The following STMN2 variants were observed in gnomAD, a reference collection of about 807,000 sequenced individuals.
STMN2 encodes the protein stathmin-2.
Under a neutral mutation model 24.1 loss-of-function variants are expected in STMN2, and 2 were observed. That is an observed-to-expected ratio of 0.08 (90% CI 0.03 to 0.26). The LOEUF (loss-of-function observed/expected upper bound fraction) is 0.26. STMN2 is among the 10% of genes least tolerant of loss of function. STMN2 has a pLI of 1.00. For missense variants in STMN2, 114 were observed against 213.6 expected, an observed-to-expected ratio of 0.53 and a Z score of 2.91; for synonymous variants, 83 against 77.5, an observed-to-expected ratio of 1.07 and a Z score of -0.37.
At chr8:79,626,233 A>G (rs1463255625) in intron 1 of STMN2, among the ~76,000 whole-genome samples, 1 of 152,176 alleles carries the variant, frequency 6.6e-6, no homozygotes, top group African/African-American at 2.4e-5. Flanking sequence ...ACATTCACTC[A>G]CTAGTATTGG....
At chr8:79,640,319 G>A (rs987702216) in intron 2 of STMN2, among the ~76,000 whole-genome samples, 3 of 152,266 alleles carry the variant, frequency 2.0e-5, no homozygotes, top group Admixed American at 6.5e-5. Context: ...GCTTCCGTGA[G>A]TTCAACTTTA....
intron 1 of STMN2, among the ~76,000 whole-genome samples, chr8:79,631,695 A>C (rs550673804): frequency 4.3e-4 from 65 of 152,334 alleles, no homozygotes; most frequent in Non-Finnish European, 7.2e-4. Context: ...GTCTTTGAAG[A>C]AGATCACAGG....
At chr8:79,628,371 G>C (rs1195647073) in intron 1 of STMN2, among the ~76,000 whole-genome samples, 2 of 151,690 alleles carry the variant, frequency 1.3e-5, no homozygotes. Flanking sequence ...ACCATGTCTC[G>C]AACTCCTGTC....
Position 79,664,946 on chromosome 8 carries a change from T to A in STMN2, c.*72T>A, listed in dbSNP as rs1356532017. The A allele has an allele frequency of 3.0e-5, 42 of 1,382,970 alleles. No individual in the cohort carries two copies. Among genetic ancestry groups the A allele is most frequent in the Non-Finnish European group, 4.1e-5 (41 of 1,007,998 alleles). The allele number at this position is 1,382,970 out of a possible 1,614,324, so 85.7% of individuals were successfully genotyped here. A position where few individuals can be genotyped will look rare whatever the true frequency, so the allele number is the denominator to read the frequency against. On this transcript the variant is annotated 3_prime_UTR_variant, in exon 5 of 5. Transcript: ENST00000220876. ...CTATATTATAATGGATCATGCGATA[T>A]CAGGATGGGGAATGTATGACATGGT...
chr8:79,625,789 C>G (rs1042681768), intron 1 of STMN2, among the ~76,000 whole-genome samples: 2 of 151,952 alleles, frequency 1.3e-5, no homozygotes, highest in Admixed American at 6.6e-5. Context: ...GAAACCCTGT[C>G]TCTACTAAAA....
chr8:79,661,366 T>C (rs1484516855), intron 4 of STMN2, among the ~76,000 whole-genome samples: 1 of 152,184 alleles, frequency 6.6e-6, no homozygotes, highest in African/African-American at 2.4e-5. Context: ...TGGTTTTAAT[T>C]TGCATTTCCC....
intron 3 of STMN2, among the ~76,000 whole-genome samples, chr8:79,653,126 C>T (rs1294020206): frequency 2.6e-5 from 4 of 152,008 alleles, no homozygotes; most frequent in African/African-American, 7.3e-5. Flanking sequence ...ACCTATAATC[C>T]CAGTACTTTG....
At chr8:79,648,805 AGAAGAAAAG>A (rs1810273645) in intron 3 of STMN2, among the ~76,000 whole-genome samples, 1 of 152,168 alleles carries the variant, frequency 6.6e-6, no homozygotes, top group Non-Finnish European at 1.5e-5. Context: ...CAAATTGCAT[AGAAGAAAAG>A]ACAGTTTGAT....
chr8:79,616,872 T>G (rs2130295904), intron 1 of STMN2, among the ~76,000 whole-genome samples: 1 of 152,268 alleles, frequency 6.6e-6, no homozygotes, highest in South Asian at 2.1e-4. Context: ...AATTTGGCTC[T>G]CTGTGTGAGC....
At chr8:79,640,996 C>T (rs1415055601) in intron 2 of STMN2, among the ~76,000 whole-genome samples, 7 of 152,144 alleles carry the variant, frequency 4.6e-5, no homozygotes, top group African/African-American at 9.7e-5. Flanking sequence ...CCTACAGCTA[C>T]GATAATTTCC....
At chr8:79,621,114 G>C (rs985979130) in intron 1 of STMN2, among the ~76,000 whole-genome samples, 2 of 152,128 alleles carry the variant, frequency 1.3e-5, no homozygotes, top group Admixed American at 6.5e-5. Context: ...ATGGAAGGAA[G>C]AGCCCAGAAG....
At chr8:79,651,128 T>C (rs571347735) in intron 3 of STMN2, among the ~76,000 whole-genome samples, 1 of 152,290 alleles carries the variant, frequency 6.6e-6, no homozygotes, top group South Asian at 2.1e-4. Flanking sequence ...GAGTTAATAG[T>C]GGATATAACA....
intron 1 of STMN2, among the ~76,000 whole-genome samples, chr8:79,628,110 A>G (rs961847439): frequency 4.6e-5 from 7 of 152,116 alleles, no homozygotes; most frequent in African/African-American, 1.2e-4. Context: ...TTGATGGGAT[A>G]TATACCCAGT....
At chr8:79,622,187 T>C (rs1388274878) in intron 1 of STMN2, among the ~76,000 whole-genome samples, 1 of 152,172 alleles carries the variant, frequency 6.6e-6, no homozygotes, top group African/African-American at 2.4e-5. Flanking sequence ...TTCTTAAATT[T>C]ATTAATCATT....
chr8:79,652,467 G>T (rs944804926), intron 3 of STMN2, among the ~76,000 whole-genome samples: 3 of 152,124 alleles, frequency 2.0e-5, no homozygotes, highest in African/African-American at 7.2e-5. Flanking sequence ...AGGGAGTTAG[G>T]AAGGACTTGG....
chr8:79,629,990 C>T (rs773575471), intron 1 of STMN2, among the ~76,000 whole-genome samples: 6 of 152,180 alleles, frequency 3.9e-5, no homozygotes, highest in Non-Finnish European at 7.4e-5. Flanking sequence ...GAAATATGCT[C>T]TGAACTTTTA....
intron 1 of STMN2, among the ~76,000 whole-genome samples, chr8:79,631,932 T>C (rs1809810514): frequency 6.6e-6 from 1 of 152,194 alleles, no homozygotes; most frequent in Non-Finnish European, 1.5e-5. Context: ...AGGTAGCTGA[T>C]TTCTGTCTAT....
chr8:79,663,710 T>C, intron 4 of STMN2: 1 of 1,380,316 alleles, frequency 7.2e-7, no homozygotes, highest in Non-Finnish European at 9.7e-7. Flanking sequence ...ATAATTAGCA[T>C]CTTAAAATTT....
chr8:79,659,586 G>A (rs187426754), intron 4 of STMN2, among the ~76,000 whole-genome samples: 3 of 152,292 alleles, frequency 2.0e-5, no homozygotes, highest in Admixed American at 2.0e-4. Context: ...AAGAATTGCA[G>A]TGAGACAGTT....
Sources: gnomAD v4.1 joint callset for allele counts (sites outside exome capture counted in the v4.1 genomes callset) on GRCh38, gnomAD v4.1.1 for gene constraint, MANE v1.5 for transcripts, NCBI Gene and HGNC (gene_info 2026-07-23, HGNC 2026-07-21) for gene names.